The following BMP2K variants were observed in gnomAD, a reference collection of about 807,000 sequenced individuals.
BMP2K encodes BMP2 inducible kinase.
A neutral mutation model predicts 116.0 loss-of-function variants in BMP2K; 74 were observed. The ratio of observed to expected loss-of-function variants is 0.64; its 90% CI spans 0.53 to 0.77. The LOEUF (loss-of-function observed/expected upper bound fraction) is 0.77, where lower values mean the gene tolerates loss of function less well. Among genes scored for constraint, BMP2K ranks in the 30% least tolerant of loss-of-function variants. BMP2K has a pLI of 0.00. For missense variants in BMP2K, 1,365 were observed against 1,403.6 expected, an observed-to-expected ratio of 0.97 and a Z score of 0.44; for synonymous variants, 486 against 502.5, an observed-to-expected ratio of 0.97 and a Z score of 0.44.
At chr4:78,874,715 T>A (rs1732550359) in intron 13 of BMP2K, among the ~76,000 whole-genome samples, 1 of 152,208 alleles carries the variant, frequency 6.6e-6, no homozygotes, top group African/African-American at 2.4e-5. Context: ...GAAATCTGTC[T>A]AAACTTCTGA....
At chr4:78,844,544 C>T (rs1730907138) in intron 4 of BMP2K, among the ~76,000 whole-genome samples, 2 of 151,590 alleles carry the variant, frequency 1.3e-5, no homozygotes, top group Non-Finnish European at 1.5e-5. Context: ...CTGGACTCTG[C>T]CAGGTACTAG....
chr4:78,792,060 C>T (rs1003780377), intron 1 of BMP2K, among the ~76,000 whole-genome samples: 31 of 152,216 alleles, frequency 2.0e-4, no homozygotes, highest in African/African-American at 7.0e-4. Context: ...ACATTCCCAA[C>T]AGCATTGCAC....
At chr4:78,877,316 CTT>C (rs1450005908) in intron 13 of BMP2K, among the ~76,000 whole-genome samples, 6 of 152,070 alleles carry the variant, frequency 3.9e-5, no homozygotes, top group Admixed American at 2.6e-4. Flanking sequence ...CATTTTGACT[CTT>C]TGGTTATAAC....
At chr4:78,806,278 C>A (rs950605796) in intron 1 of BMP2K, among the ~76,000 whole-genome samples, 9 of 152,046 alleles carry the variant, frequency 5.9e-5, no homozygotes, top group Non-Finnish European at 1.3e-4. Flanking sequence ...TGGACTCATG[C>A]ATTCCTCCAG....
chr4:78,780,187 T>C (rs1234148529), intron 1 of BMP2K, among the ~76,000 whole-genome samples: 2 of 152,194 alleles, frequency 1.3e-5, no homozygotes, highest in Non-Finnish European at 2.9e-5. Flanking sequence ...GGACATTGTT[T>C]TCCCTAAATG....
At chr4:78,785,361 C>T (rs1727681920) in intron 1 of BMP2K, among the ~76,000 whole-genome samples, 1 of 152,148 alleles carries the variant, frequency 6.6e-6, no homozygotes, top group Non-Finnish European at 1.5e-5. Flanking sequence ...ATCTGCCCAC[C>T]TTGGCTTCCC....
chr4:78,776,632 CCG>C lies in BMP2K; in HGVS notation c.90_91del (p.Gly31LeufsTer54). 1 of 1,213,362 alleles carries C rather than the reference CCG, an allele frequency of 8.2e-7. No individual in the cohort carries two copies. Among genetic ancestry groups the C allele is most frequent in the Non-Finnish European group, 1.0e-6 (1 of 972,578 alleles). 75.2% of individuals were successfully genotyped at this position (1,213,362 alleles called of 1,614,324 possible). A position where few individuals can be genotyped will look rare whatever the true frequency, so the allele number is the denominator to read the frequency against. On this transcript the variant is annotated frameshift_variant, in exon 1 of 16. Coordinates refer to ENST00000502613, the MANE Select transcript of BMP2K (RefSeq NM_198892.2). LOFTEE classifies it high-confidence loss of function. ...GGGGCTGGCGGGGCCGGGGCCGGGG[CCG>C]GCTGCGGCTCCGGCGGCTCGTCCGT... is the stretch of plus-strand genomic sequence containing the variant.
intron 1 of BMP2K, among the ~76,000 whole-genome samples, chr4:78,798,293 T>C (rs1330474824): frequency 1.3e-5 from 2 of 152,158 alleles, no homozygotes; most frequent in Non-Finnish European, 2.9e-5. Context: ...CAAGAAATTA[T>C]ATAAGATTTT....
At position 78,812,512 on chromosome 4, in the gene BMP2K, C is replaced by A. The variant is rs148679001; in HGVS notation, c.179-13525C>A. Among the ~76,000 whole-genome samples the A allele has an allele frequency of 1.5e-3, 226 of 152,252 alleles. 2 individuals carry two copies. The highest frequency in any genetic ancestry group is 5.3e-3 in the African/African-American group (220 of 41,542). ...CCAAAACTGTGCTGTTGATATTCTG[C>A]CTACACCTTCTCTGTTGTCTGTCAA... On this transcript the variant is annotated intron_variant, in intron 1 of 15. Coordinates refer to ENST00000502613, the MANE Select transcript of BMP2K (RefSeq NM_198892.2).
intron 10 of BMP2K, among the ~76,000 whole-genome samples, chr4:78,867,946 G>C (rs1732136177): frequency 6.6e-6 from 1 of 152,202 alleles, no homozygotes; most frequent in Admixed American, 6.5e-5. Context: ...TGTAATCCCA[G>C]CTACTTGGGA....
chr4:78,899,543 A>C (rs1332027597), intron 15 of BMP2K, among the ~76,000 whole-genome samples: 1 of 152,176 alleles, frequency 6.6e-6, no homozygotes, highest in African/African-American at 2.4e-5. Context: ...GATGAGAAGA[A>C]GAAAATTCAG....
chr4:78,807,453 C>T (rs1407703941), intron 1 of BMP2K, among the ~76,000 whole-genome samples: 1 of 151,722 alleles, frequency 6.6e-6, no homozygotes, highest in African/African-American at 2.4e-5. Context: ...AAAACGTTTC[C>T]TTCTCTTCTA....
At chr4:78,792,018 C>T (rs757567944) in intron 1 of BMP2K, among the ~76,000 whole-genome samples, 5 of 152,106 alleles carry the variant, frequency 3.3e-5, no homozygotes, top group African/African-American at 9.7e-5. Context: ...GAGGAATTGC[C>T]GCACTGTTGT....
chr4:78,875,767 G>T (rs1732602532), intron 13 of BMP2K, among the ~76,000 whole-genome samples: 1 of 152,204 alleles, frequency 6.6e-6, no homozygotes, highest in African/African-American at 2.4e-5. Context: ...GGAGGCTTCA[G>T]TCCCCTGCCA....
At chr4:78,850,867 A>T in intron 6 of BMP2K, 57 bp from the exon 7 acceptor site, 1 of 1,578,856 alleles carries the variant, frequency 6.3e-7, no homozygotes, top group Non-Finnish European at 8.6e-7. Context: ...GTTTTTGGCT[A>T]TTTTTGTGTC....
At chr4:78,908,911 C>T (rs952951207) in intron 15 of BMP2K, among the ~76,000 whole-genome samples, 9 of 152,044 alleles carry the variant, frequency 5.9e-5, no homozygotes, top group African/African-American at 2.4e-5. Flanking sequence ...ATGGTGCTGC[C>T]ATCCACCAAG....
At chr4:78,856,142 A>C (rs1731496552) in intron 7 of BMP2K, among the ~76,000 whole-genome samples, 1 of 152,138 alleles carries the variant, frequency 6.6e-6, no homozygotes, top group African/African-American at 2.4e-5. Flanking sequence ...TGCAGGAGAA[A>C]ATGGCTTTAG....
chr4:78,879,345 T>C, intron 14 of BMP2K: 1 of 987,718 alleles, frequency 1.0e-6, no homozygotes, highest in Non-Finnish European at 1.2e-6. Flanking sequence ...TGTTAATGTT[T>C]TGTAATGTCC....
chr4:78,881,849 C>T (rs1345137268), intron 14 of BMP2K, among the ~76,000 whole-genome samples: 1 of 152,000 alleles, frequency 6.6e-6, no homozygotes, highest in African/African-American at 2.4e-5. Context: ...TAAATCCTAT[C>T]ATTTTACAAA....
Sources: gnomAD v4.1 joint callset for allele counts (sites outside exome capture counted in the v4.1 genomes callset) on GRCh38, gnomAD v4.1.1 for gene constraint, MANE v1.5 for transcripts, NCBI Gene and HGNC (gene_info 2026-07-23, HGNC 2026-07-21) for gene names.